The following MYO5A variants were observed in gnomAD, a reference collection of about 807,000 sequenced individuals.
MYO5A encodes the protein myosin VA, also known as unconventional myosin-Va.
MYO5A carries 98 observed loss-of-function variants against 249.7 expected under a neutral mutation model. That is an observed-to-expected ratio of 0.39 (90% CI 0.33 to 0.46). The LOEUF is 0.46. MYO5A is among the 20% of genes least tolerant of loss of function. The pLI, the probability that MYO5A is intolerant of heterozygous loss-of-function variation, is 0.98. For missense variants in MYO5A, 1,696 were observed against 2,308.8 expected (o/e 0.73, Z 5.44); for synonymous variants, 778 against 810.6 (o/e 0.96, Z 0.68).
At chr15:52,326,266 AATT>A (rs1317981880) in intron 36 of MYO5A, among the ~76,000 whole-genome samples, 8 of 152,198 alleles carry the variant, frequency 5.3e-5, no homozygotes, top group Non-Finnish European at 1.0e-4. Context: ...ATCTTCTTGC[AATT>A]ATTATGAGAG....
intron 32 of MYO5A, among the ~76,000 whole-genome samples, chr15:52,338,236 T>TC (rs1172932747): frequency 6.6e-6 from 1 of 151,474 alleles, no homozygotes. Context: ...TTTTTTTTTT[T>TC]TTTTTTGCCG....
chr15:52,428,590 GCAT>G, intron 2 of MYO5A, 21 bp from the exon 3 acceptor site: 1 of 1,613,368 alleles, frequency 6.2e-7, no homozygotes, highest in Non-Finnish European at 8.5e-7. Flanking sequence ...ACAAGGCACA[GCAT>G]CTGGATGAAT....
intron 1 of MYO5A, chr15:52,505,311 G>GC (rs2141597820): frequency 2.6e-6 from 2 of 777,068 alleles, no homozygotes; most frequent in Non-Finnish European, 4.8e-6. Context: ...TTGAAGCAGT[G>GC]CCCCGCCCAC....
chr15:52,427,525 T>C (rs1219326164), intron 3 of MYO5A, among the ~76,000 whole-genome samples: 6 of 151,052 alleles, frequency 4.0e-5, no homozygotes, highest in Non-Finnish European at 8.9e-5. Context: ...GGAAAAAAAA[T>C]GGAAGAAAAA....
At chr15:52,321,037 T>C (rs983326237) in intron 38 of MYO5A, among the ~76,000 whole-genome samples, 2 of 150,980 alleles carry the variant, frequency 1.3e-5, no homozygotes, top group Non-Finnish European at 2.9e-5. Flanking sequence ...GGGAGCCTGC[T>C]GATAATTTGC....
intron 6 of MYO5A, among the ~76,000 whole-genome samples, chr15:52,409,587 T>C (rs2043155287): frequency 6.6e-6 from 1 of 152,138 alleles, no homozygotes; most frequent in Non-Finnish European, 1.5e-5. Flanking sequence ...TTGTGGACAC[T>C]GTTACATGGC....
At chr15:52,440,125 G>A (rs1238389759) in intron 1 of MYO5A, among the ~76,000 whole-genome samples, 2 of 152,226 alleles carry the variant, frequency 1.3e-5, no homozygotes, top group African/African-American at 4.8e-5. Context: ...AGAAAGGCAC[G>A]TTCAAGGGAC....
intron 24 of MYO5A, among the ~76,000 whole-genome samples, chr15:52,364,350 T>C (rs563992096): frequency 6.6e-6 from 1 of 152,292 alleles, no homozygotes; most frequent in African/African-American, 2.4e-5. Context: ...TAAAATTATA[T>C]GATTTCTAAG....
At chr15:52,364,369 T>TA (rs2040702027) in intron 24 of MYO5A, among the ~76,000 whole-genome samples, 185 bp downstream of exon 24, 1 of 152,188 alleles carries the variant, frequency 6.6e-6, no homozygotes, top group African/African-American at 2.4e-5. Flanking sequence ...AGATTTGCTT[T>TA]AAAATAATCC....
chr15:52,330,452 T>C lies in MYO5A; in HGVS notation c.4456A>G (p.Ile1486Val). 1 of 1,614,108 alleles carries C rather than the reference T, an allele frequency of 6.2e-7. No homozygotes were observed. Among genetic ancestry groups the C allele is most frequent in the Non-Finnish European group, 8.5e-7 (1 of 1,179,982 alleles). ...ISPGQIIDEP[I>V]RPVNIPRKEK... ...TTCCTGGGAATGTTGACTGGTCGGA[T>C]GGGTTCATCAATGATCTGTCCTGGG... Residue 1486 changes from isoleucine to valine, a missense_variant, in exon 35 of 42, where the codon ATC becomes GTC. By Grantham distance (29) the Ile-to-Val change is conservative (BLOSUM62 3). Around this residue, in one of 5 missense-constraint regions of MYO5A, gnomAD observed 625 missense variants for 908.1 expected, o/e 0.69. Transcript: ENST00000399233.
At chr15:52,476,452 T>C (rs2076595171) in intron 1 of MYO5A, among the ~76,000 whole-genome samples, 1 of 152,198 alleles carries the variant, frequency 6.6e-6, no homozygotes, top group Non-Finnish European at 1.5e-5. Flanking sequence ...TAGCTGGTTA[T>C]TTTGCTCGTT....
chr15:52,321,978 T>C (rs999550694), intron 37 of MYO5A, among the ~76,000 whole-genome samples: 1 of 152,166 alleles, frequency 6.6e-6, no homozygotes, highest in African/African-American at 2.4e-5. Flanking sequence ...AGTGAATACA[T>C]ACAAAAAGTT....
intron 3 of MYO5A, among the ~76,000 whole-genome samples, chr15:52,426,400 A>T (rs2075395274): frequency 6.6e-6 from 1 of 151,750 alleles, no homozygotes; most frequent in Non-Finnish European, 1.5e-5. Flanking sequence ...TAGGGCAAGG[A>T]GACTAGTTGA....
rs1596316851 is a variant in MYO5A, at chr15:52,342,350, C to T, written c.4040+767G>A. On this transcript the variant is annotated intron_variant, in intron 31 of 41. Coordinates refer to ENST00000399233, the MANE Select transcript of MYO5A (RefSeq NM_001382347.1). ...CTCAAGCCTGGGTGACAGAGCAAGACCCTGTGTCAAAAAAAAGAAAAGAAA... is the reference window on the plus strand; with the variant it reads ...CTCAAGCCTGGGTGACAGAGCAAGATCCTGTGTCAAAAAAAAGAAAAGAAA... Among the ~76,000 whole-genome samples, 4 of 152,192 alleles carry T rather than the reference C, an allele frequency of 2.6e-5. No individual in the cohort carries two copies. The East Asian group carries it at 7.7e-4, about 29-fold the overall frequency.
At chr15:52,340,537 CA>C in intron 31 of MYO5A, 143 bp from the exon 32 acceptor site, 2 of 731,536 alleles carry the variant, frequency 2.7e-6, no homozygotes, top group Non-Finnish European at 2.3e-6. Context: ...TGATTAAAGT[CA>C]AGAAACTAAA....
At position 52,311,937 on chromosome 15, in the gene MYO5A, A is replaced by C. The variant is rs2037787509; in HGVS notation, c.*1759T>G. Reference sequence around the variant, plus strand: ...CATAAATATTGCACATATTTTAATAAGATTTATAGACCATCTAACAGTTAA... The same window carrying C: ...CATAAATATTGCACATATTTTAATACGATTTATAGACCATCTAACAGTTAA... On this transcript the variant is annotated 3_prime_UTR_variant, in exon 42 of 42. Transcript: ENST00000399233. 3.5e-5 allele frequency: 1 copy of C among 28,308 alleles called. No individual in the cohort carries two copies. Among genetic ancestry groups the C allele is most frequent in the Non-Finnish European group, 8.4e-5 (1 of 11,926 alleles). 1.8% of individuals were successfully genotyped at this position (28,308 alleles called of 1,614,324 possible).
At chr15:52,391,408 A>G (rs2042230731) in intron 12 of MYO5A, among the ~76,000 whole-genome samples, 1 of 152,226 alleles carries the variant, frequency 6.6e-6, no homozygotes, top group South Asian at 2.1e-4. Flanking sequence ...TAAACTAAAG[A>G]GAAATAAAGC....
intron 9 of MYO5A, among the ~76,000 whole-genome samples, chr15:52,401,529 T>A (rs554439609): frequency 1.6e-3 from 245 of 152,342 alleles, no homozygotes; most frequent in African/African-American, 5.7e-3. Flanking sequence ...AGCTGGGAAG[T>A]GAGCTATCAG....
chr15:52,313,414 C>T lies in MYO5A; in HGVS notation c.*282G>A. 2.4e-6 allele frequency: 1 copy of T among 419,056 alleles called. No homozygotes were observed. Among genetic ancestry groups the T allele is most frequent in the Non-Finnish European group, 4.4e-6 (1 of 225,378 alleles). The allele number at this position is 419,056 out of a possible 1,614,324, so 26.0% of individuals were successfully genotyped here. Reference sequence around the variant, plus strand: ...CCAGCTGAAGACACATTTTTCTCCTCCTTTCCTTCCTCCCTTCCTTCCATC... The same window carrying T: ...CCAGCTGAAGACACATTTTTCTCCTTCTTTCCTTCCTCCCTTCCTTCCATC... On this transcript the variant is annotated 3_prime_UTR_variant, in exon 42 of 42. Coordinates refer to ENST00000399233, the MANE Select transcript of MYO5A (RefSeq NM_001382347.1).
Sources: gnomAD v4.1 joint callset for allele counts (sites outside exome capture counted in the v4.1 genomes callset) on GRCh38, gnomAD v4.1.1 for gene constraint, gnomAD v4.1.1 regional missense constraint, MANE v1.5 for transcripts, NCBI Gene and HGNC (gene_info 2026-07-23, HGNC 2026-07-21) for gene names.